The following ROBO2 variants were observed in gnomAD, a reference collection of about 807,000 sequenced individuals.
The protein encoded by ROBO2 is roundabout guidance receptor 2.
ROBO2 carries 53 observed loss-of-function variants against 160.8 expected under a neutral mutation model. The observed-to-expected ratio is 0.33, with a 90% confidence interval of 0.26 to 0.41. The LOEUF (loss-of-function observed/expected upper bound fraction) is 0.41. Among genes scored for constraint, ROBO2 ranks in the 10% least tolerant of loss-of-function variants. The probability of loss-of-function intolerance (pLI) is 1.00; values close to 1 mark genes in which losing one functional copy is unlikely to be tolerated. For missense variants in ROBO2, 1,577 were observed against 1,722.4 expected (o/e 0.92, Z 1.49); for synonymous variants, 664 against 611.7 (o/e 1.09, Z -1.26).
At chr3:76,079,706 G>T (rs777320575) in intron 2 of ROBO2, among the ~76,000 whole-genome samples, 5 of 151,796 alleles carry the variant, frequency 3.3e-5, no homozygotes, top group African/African-American at 1.2e-4. Context: ...GGCTGGTCTC[G>T]AACTCCTGAG....
chr3:76,363,219 ACACAC>A (rs897417744), intron 2 of ROBO2, among the ~76,000 whole-genome samples: 34 of 152,016 alleles, frequency 2.2e-4, no homozygotes, highest in African/African-American at 7.5e-4. Flanking sequence ...ACAGGCACAC[ACACAC>A]ACATGCACAC....
chr3:77,131,046 T>C (rs540514815), intron 2 of ROBO2, among the ~76,000 whole-genome samples: 1 of 152,148 alleles, frequency 6.6e-6, no homozygotes, highest in African/African-American at 2.4e-5. Flanking sequence ...TTGGATAAGT[T>C]TGGGACACTG....
At chr3:76,359,041 C>A (rs1441657671) in intron 2 of ROBO2, among the ~76,000 whole-genome samples, 1 of 149,840 alleles carries the variant, frequency 6.7e-6, no homozygotes, top group Non-Finnish European at 1.5e-5. Flanking sequence ...TTTGTCCTTG[C>A]GATAGTTTAC....
intron 1 of ROBO2, among the ~76,000 whole-genome samples, chr3:77,073,254 ACC>A (rs2067601336): frequency 6.6e-6 from 1 of 152,354 alleles, no homozygotes; most frequent in African/African-American, 2.4e-5. Flanking sequence ...TGTTCTGAAT[ACC>A]AGGTAAACAT....
At position 76,987,907 on chromosome 3, in the gene ROBO2, G is replaced by A. The variant is rs145965850; in HGVS notation, c.110-110107G>A. Among the ~76,000 whole-genome samples the A allele has an allele frequency of 5.5e-3, 832 of 151,930 alleles. 5 individuals carry two copies. The highest frequency in any genetic ancestry group is 0.019 in the African/African-American group (794 of 41,418). ...TATTTTTAAAGTTTAACTCTGTCAC[G>A]TAAAGATAATGTCAAATTTAAAATT... On this transcript the variant is annotated intron_variant, in intron 2 of 26. Coordinates refer to the ROBO2 transcript ENST00000487694.
At chr3:76,310,365 T>C (rs781104632) in intron 2 of ROBO2, among the ~76,000 whole-genome samples, 1 of 152,210 alleles carries the variant, frequency 6.6e-6, no homozygotes, top group African/African-American at 2.4e-5. Context: ...TCTATGTTGG[T>C]ATTTCCAAAA....
chr3:76,030,549 T>G (rs2066887739), intron 2 of ROBO2, among the ~76,000 whole-genome samples: 1 of 152,180 alleles, frequency 6.6e-6, no homozygotes. Flanking sequence ...TTGTATAAGG[T>G]GTAAGGAAGG....
intron 2 of ROBO2, among the ~76,000 whole-genome samples, chr3:77,371,070 A>G: frequency 6.6e-6 from 1 of 152,172 alleles, no homozygotes; most frequent in East Asian, 1.9e-4. Flanking sequence ...GAAGGTGGTG[A>G]TATTATTTTT....
intron 2 of ROBO2, among the ~76,000 whole-genome samples, chr3:76,175,931 A>G (rs2073213623): frequency 6.6e-6 from 1 of 152,118 alleles, no homozygotes; most frequent in African/African-American, 2.4e-5. Flanking sequence ...ATTCAGAAGA[A>G]TTACATATGC....
intron 2 of ROBO2, among the ~76,000 whole-genome samples, chr3:76,849,265 G>T (rs550322253): frequency 5.3e-5 from 8 of 152,224 alleles, no homozygotes; most frequent in African/African-American, 1.7e-4. Flanking sequence ...ATACACTTAG[G>T]GGGTATTCAG....
At chr3:77,173,502 G>C (rs2079836813) in intron 2 of ROBO2, among the ~76,000 whole-genome samples, 2 of 152,130 alleles carry the variant, frequency 1.3e-5, no homozygotes, top group South Asian at 4.2e-4. Context: ...TTCAGATTGA[G>C]AGTCTGAAAG....
intron 1 of ROBO2, among the ~76,000 whole-genome samples, chr3:75,926,778 A>G (rs1443157343): frequency 6.6e-6 from 1 of 152,214 alleles, no homozygotes; most frequent in African/African-American, 2.4e-5. Context: ...GAACATTTTA[A>G]AACAATTTTT....
chr3:76,260,375 G>A (rs1345542708), intron 2 of ROBO2, among the ~76,000 whole-genome samples: 2 of 151,832 alleles, frequency 1.3e-5, no homozygotes, highest in African/African-American at 2.4e-5. Context: ...AGAAGTCAAA[G>A]GAGAAAAAAA....
chr3:76,896,088 C>T (rs558492711), intron 2 of ROBO2, among the ~76,000 whole-genome samples: 1 of 152,262 alleles, frequency 6.6e-6, no homozygotes, highest in East Asian at 1.9e-4. Flanking sequence ...AGTTCAGTGT[C>T]TCCTCCGCCT....
chr3:77,113,397 T>A (rs182859627), intron 2 of ROBO2, among the ~76,000 whole-genome samples: 1 of 152,350 alleles, frequency 6.6e-6, no homozygotes, highest in East Asian at 1.9e-4. Flanking sequence ...ACTTGTGAAA[T>A]CCTTCCTAAG....
At chr3:76,536,631 G>A (rs1017040888) in intron 2 of ROBO2, among the ~76,000 whole-genome samples, 7 of 152,158 alleles carry the variant, frequency 4.6e-5, no homozygotes, top group African/African-American at 7.2e-5. Context: ...GGATCCTCTC[G>A]GGGAACTGCC....
At chr3:77,353,952 G>A (rs965939962) in intron 2 of ROBO2, among the ~76,000 whole-genome samples, 4 of 152,118 alleles carry the variant, frequency 2.6e-5, no homozygotes, top group Admixed American at 1.3e-4. Context: ...ATTAATTACC[G>A]CTTCTTCCCA....
intron 2 of ROBO2, among the ~76,000 whole-genome samples, chr3:76,361,149 A>C (rs765058140): frequency 6.6e-6 from 1 of 152,066 alleles, no homozygotes; most frequent in Admixed American, 6.6e-5. Flanking sequence ...AGGAAACTCA[A>C]AGTAAAAATA....
chr3:76,446,529 G>C (rs2077190880), intron 2 of ROBO2, among the ~76,000 whole-genome samples: 1 of 152,036 alleles, frequency 6.6e-6, no homozygotes. Context: ...TCACAGAATT[G>C]GAAAAAACTA....
Sources: gnomAD v4.1 joint callset for allele counts (sites outside exome capture counted in the v4.1 genomes callset) on GRCh38, gnomAD v4.1.1 for gene constraint, MANE v1.5 for transcripts, NCBI Gene and HGNC (gene_info 2026-07-23, HGNC 2026-07-21) for gene names.